MXI1: variants seen among roughly 807,000 people sequenced by gnomAD.
The protein encoded by MXI1 is MAX interactor 1, dimerization protein.
In MXI1, 18 loss-of-function variants were observed where a neutral mutation model predicts 36.9. That is an observed-to-expected ratio of 0.49 (90% CI 0.34 to 0.72). The LOEUF (loss-of-function observed/expected upper bound fraction) is 0.72, where lower values mean the gene tolerates loss of function less well. MXI1 is among the 30% of genes least tolerant of loss of function. The pLI is 0.01. For missense variants in MXI1, 304 were observed against 379.1 expected (o/e 0.80, Z 1.64); for synonymous variants, 160 against 146.7 (o/e 1.09, Z -0.65).
At chr10:110,223,644 G>T (rs1028508944) in intron 1 of MXI1, among the ~76,000 whole-genome samples, 1 of 151,972 alleles carries the variant, frequency 6.6e-6, no homozygotes, top group Admixed American at 6.6e-5. Flanking sequence ...TAAATGAATG[G>T]TATTTTCTTT....
chr10:110,230,907 G>A (rs114694938), intron 2 of MXI1, among the ~76,000 whole-genome samples: 3,206 of 152,286 alleles, frequency 0.021, 52 homozygotes, highest in African/African-American at 0.033. Context: ...TGATCAAAAA[G>A]CTACTAGTGT....
At chr10:110,217,014 GT>G (rs202031055) in intron 1 of MXI1, among the ~76,000 whole-genome samples, 18 of 149,576 alleles carry the variant, frequency 1.2e-4, no homozygotes, top group East Asian at 4.1e-4. Context: ...TTCTACAGAT[GT>G]TTTTTTTTTC....
chr10:110,218,170 G>T (rs1191117179), intron 1 of MXI1, among the ~76,000 whole-genome samples: 1 of 152,152 alleles, frequency 6.6e-6, no homozygotes, highest in African/African-American at 2.4e-5. Flanking sequence ...GAATCTGGAG[G>T]CTGGGCACGG....
intron 5 of MXI1, among the ~76,000 whole-genome samples, chr10:110,281,643 T>C (rs1226873811): frequency 6.6e-6 from 1 of 152,182 alleles, no homozygotes; most frequent in African/African-American, 2.4e-5. Flanking sequence ...TGTATATATG[T>C]ACATATTTTT....
intron 1 of MXI1, among the ~76,000 whole-genome samples, chr10:110,216,295 T>C (rs1854634017): frequency 6.6e-6 from 1 of 152,228 alleles, no homozygotes; most frequent in South Asian, 2.1e-4. Context: ...TGTGGAATTA[T>C]GTTGTGAGCC....
intron 1 of MXI1, among the ~76,000 whole-genome samples, chr10:110,214,947 CAGGCAGAA>C (rs1854594510): frequency 6.6e-6 from 1 of 150,900 alleles, no homozygotes; most frequent in South Asian, 2.1e-4. Context: ...CAATTTTCAG[CAGGCAGAA>C]ATGGGGGAGC....
intron 3 of MXI1, 165 bp downstream of exon 3, chr10:110,245,022 A>G (rs3793887): frequency 2.9e-6 from 2 of 684,812 alleles, no homozygotes; most frequent in Non-Finnish European, 4.7e-6. Flanking sequence ...AAATGATTTA[A>G]TAGTAAGCTT....
At position 110,207,863 on chromosome 10, in the gene MXI1, GCCCCCGCCGCGCCCCCGGCTGTGC is replaced by G. The variant is rs751885518; in HGVS notation, c.65_88del (p.Ala22_Ala29del). The G allele has an allele frequency of 7.5e-6, 9 of 1,198,324 alleles. No individual in the cohort carries two copies. Among genetic ancestry groups the G allele is most frequent in the South Asian group, 6.7e-5 (2 of 29,732 alleles). 74.2% of individuals were successfully genotyped at this position (1,198,324 alleles called of 1,614,324 possible). On this transcript the variant is annotated inframe_deletion, in exon 1 of 6. Coordinates refer to ENST00000332674, the MANE Select transcript of MXI1 (RefSeq NM_130439.3). ...GGCGCGCTGCGAGGGCGCGGGGCTGGCCCCCGCCGCGCCCCCGGCTGTGCCCCCCGCCGTGGCCGCGCCCCAGCC... is the reference window on the plus strand; with the variant it reads ...GGCGCGCTGCGAGGGCGCGGGGCTGGCCCCCGCCGTGGCCGCGCCCCAGCC...
chr10:110,239,669 T>C (rs1855599003), intron 2 of MXI1, among the ~76,000 whole-genome samples: 1 of 152,178 alleles, frequency 6.6e-6, no homozygotes, highest in African/African-American at 2.4e-5. Context: ...GTTTGAGATG[T>C]AGTATGCCAA....
At chr10:110,237,943 T>C (rs80011574) in intron 2 of MXI1, among the ~76,000 whole-genome samples, 7,995 of 152,210 alleles carry the variant, frequency 0.053, 325 homozygotes, top group Middle Eastern at 0.15. Context: ...TGTCCAGCTG[T>C]TATGCTTATA....
intron 3 of MXI1, among the ~76,000 whole-genome samples, chr10:110,275,126 C>T (rs1380358310): frequency 1.3e-5 from 2 of 152,110 alleles, no homozygotes; most frequent in African/African-American, 4.8e-5. Context: ...CCACCCACCT[C>T]GGCCTCCCAA....
chr10:110,225,462 C>T (rs1590336272), intron 1 of MXI1, among the ~76,000 whole-genome samples: 1 of 151,844 alleles, frequency 6.6e-6, no homozygotes, highest in South Asian at 2.1e-4. Context: ...AATCATCCCT[C>T]GTTTTTGAAC....
rs60315131 is a variant in MXI1, at chr10:110,251,010, TAA to T, written c.437+6178_437+6179del. Among the ~76,000 whole-genome samples, 57 of 54,974 alleles carry T rather than the reference TAA, an allele frequency of 1.0e-3. 1 individual carries two copies. Among genetic ancestry groups the T allele is most frequent in the Middle Eastern group, 0.011 (1 of 90 alleles). The allele number at this position is 54,974 out of a possible 152,430, so 36.1% of individuals were successfully genotyped here. On this transcript the variant is annotated intron_variant, in intron 3 of 5. Transcript: ENST00000332674. ...CAAGGAGAAGTGACTAAGTATTTGT[TAA>T]AAAAAAAAAAAAAAAAAAAAAAAAG... is the stretch of plus-strand genomic sequence containing the variant.
At chr10:110,264,640 C>T (rs1032379280) in intron 3 of MXI1, among the ~76,000 whole-genome samples, 1 of 152,010 alleles carries the variant, frequency 6.6e-6, no homozygotes, top group East Asian at 1.9e-4. Flanking sequence ...CTGGGATGAG[C>T]CACCACGCCC....
rs1388146060 is a variant in MXI1, at chr10:110,227,455, C to T, written c.275-734C>T. 1.6e-5 allele frequency: 16 copies of T among 987,280 alleles called. No individual in the cohort carries two copies. The South Asian group carries it at 5.4e-4, about 33-fold the overall frequency. 61.2% of individuals were successfully genotyped at this position (987,280 alleles called of 1,614,324 possible). On this transcript the variant is annotated intron_variant, in intron 1 of 5. Transcript: ENST00000332674. Reference sequence around the variant, plus strand: ...GGGTGTGCGGCGAGCGGGAAGGAGACGGGTGGAGGGAAGTTGGAGAGAGGG... The same window carrying T: ...GGGTGTGCGGCGAGCGGGAAGGAGATGGGTGGAGGGAAGTTGGAGAGAGGG...
At chr10:110,222,657 G>A (rs1854847159) in intron 1 of MXI1, among the ~76,000 whole-genome samples, 2 of 152,316 alleles carry the variant, frequency 1.3e-5, no homozygotes, top group South Asian at 4.1e-4. Flanking sequence ...ACAGAACAGA[G>A]ACTATGGGTA....
intron 3 of MXI1, among the ~76,000 whole-genome samples, chr10:110,275,781 G>A (rs1857006824): frequency 6.6e-6 from 1 of 152,184 alleles, no homozygotes; most frequent in Admixed American, 6.5e-5. Flanking sequence ...CTGTCCACAA[G>A]AGCAGAGGAA....
chr10:110,226,291 C>A, intron 1 of MXI1: 1 of 1,493,984 alleles, frequency 6.7e-7, no homozygotes, highest in Non-Finnish European at 8.9e-7. Context: ...GAGGTAATGG[C>A]TGGGCGCCGC....
intron 5 of MXI1, 116 bp from the exon 6 acceptor site, chr10:110,284,708 T>G: frequency 1.0e-6 from 1 of 999,800 alleles, no homozygotes; most frequent in Admixed American, 3.0e-5. Flanking sequence ...CAGACATCAC[T>G]GATAATAAGC....
Sources: gnomAD v4.1 joint callset for allele counts (sites outside exome capture counted in the v4.1 genomes callset) on GRCh38, gnomAD v4.1.1 for gene constraint, MANE v1.5 for transcripts, NCBI Gene and HGNC (gene_info 2026-07-23, HGNC 2026-07-21) for gene names.